MARCHF3: variants seen among roughly 807,000 people sequenced by gnomAD.
MARCHF3 encodes the protein membrane associated ring-CH-type finger 3.
A neutral mutation model predicts 24.2 loss-of-function variants in MARCHF3; 13 were observed. The ratio of observed to expected loss-of-function variants is 0.54; its 90% CI spans 0.35 to 0.85. MARCHF3 has a LOEUF of 0.85. Among genes scored for constraint, MARCHF3 ranks in the 40% least tolerant of loss-of-function variants. MARCHF3 has a pLI of 0.01. For synonymous variants in MARCHF3, 144 were observed against 137.3 expected (o/e 1.05, Z -0.34); for missense variants, 276 against 325.0 (o/e 0.85, Z 1.16).
In MARCHF3 at chr5:126,876,893, G is replaced by A. The variant is rs139213748; in HGVS notation, c.603+1292C>T. Among the ~76,000 whole-genome samples the A allele has an allele frequency of 5.6e-3, 852 of 152,130 alleles. 10 individuals carry two copies. Among genetic ancestry groups the A allele is most frequent in the African/African-American group, 0.02 (821 of 41,502 alleles). ...TCGAACTTCTGACCTCAAGTGATCC[G>A]CCCGCCTCAGCCTCCCAAAGTGCTG... On this transcript the variant is annotated intron_variant, in intron 4 of 4. Transcript: ENST00000308660.
intron 3 of MARCHF3, among the ~76,000 whole-genome samples, chr5:126,908,564 ATTCAT>A (rs1298449518): frequency 6.6e-6 from 1 of 151,748 alleles, no homozygotes; most frequent in Non-Finnish European, 1.5e-5. Context: ...GCTTCATTTC[ATTCAT>A]TTCATCTTCC....
chr5:127,003,633 C>T (rs1752211396), intron 1 of MARCHF3, among the ~76,000 whole-genome samples: 1 of 151,574 alleles, frequency 6.6e-6, no homozygotes, highest in Non-Finnish European at 1.5e-5. Context: ...GCCTGTAATC[C>T]CAGCTACTCG....
chr5:126,918,336 G>T, intron 1 of MARCHF3, 109 bp from the exon 2 acceptor site: 1 of 695,878 alleles, frequency 1.4e-6, no homozygotes, highest in Non-Finnish European at 2.3e-6. Flanking sequence ...AAATAACAGG[G>T]GTAGCCTAGA....
chr5:126,908,049 G>T (rs1003694100), intron 3 of MARCHF3, among the ~76,000 whole-genome samples: 3 of 152,096 alleles, frequency 2.0e-5, no homozygotes, highest in African/African-American at 7.2e-5. Context: ...TTGCTTGTCT[G>T]TAAAGTATTC....
Position 126,869,697 on chromosome 5 carries a change from T to A in MARCHF3, c.*936A>T, listed in dbSNP as rs1187409592. 4 of 149,572 alleles carry A rather than the reference T, an allele frequency of 2.7e-5. No homozygotes were observed. The highest frequency in any genetic ancestry group is 1.3e-4 in the Admixed American group (2 of 14,850). The allele number at this position is 149,572 out of a possible 1,614,324, so 9.3% of individuals were successfully genotyped here. A position where few individuals can be genotyped will look rare whatever the true frequency, so the allele number is the denominator to read the frequency against. On this transcript the variant is annotated 3_prime_UTR_variant, in exon 5 of 5. Coordinates refer to ENST00000308660, the MANE Select transcript of MARCHF3 (RefSeq NM_178450.5). ...GTCTAGGGTTCCTAGAAATGTCTAA[T>A]GATCCTCCAATTCATTACGAATCCC... is the stretch of plus-strand genomic sequence containing the variant.
At chr5:126,931,413 G>A (rs967335303) in intron 1 of MARCHF3, among the ~76,000 whole-genome samples, 1 of 152,030 alleles carries the variant, frequency 6.6e-6, no homozygotes, top group Non-Finnish European at 1.5e-5. Context: ...ATAAATAAAC[G>A]AATACAAGCA....
At position 126,918,141 on chromosome 5, in the gene MARCHF3, C is replaced by G; in HGVS notation, c.31G>C (p.Glu11Gln). ...GAGCTGGTGCAGTCTGGCAGGACTT[C>G]GGGCAGGTGACTGCAGCGGCTGGTT... MTTSRCSHLP[E>Q]VLPDCTSSAA... Residue 11 changes from glutamate to glutamine, a missense_variant, in exon 2 of 5, where the codon GAA (glutamate) becomes CAA (glutamine). Physicochemically the swap from Glu to Gln is conservative, Grantham distance 29 (BLOSUM62 2). Coordinates refer to ENST00000308660, the MANE Select transcript of MARCHF3 (RefSeq NM_178450.5). The G allele has an allele frequency of 1.9e-6, 3 of 1,613,848 alleles. No individual in the cohort carries two copies. Among genetic ancestry groups the G allele is most frequent in the Middle Eastern group, 1.7e-4 (1 of 5,952 alleles).
At chr5:126,999,215 T>A (rs1752044171) in intron 1 of MARCHF3, among the ~76,000 whole-genome samples, 1 of 152,272 alleles carries the variant, frequency 6.6e-6, no homozygotes, top group African/African-American at 2.4e-5. Flanking sequence ...AAGAAGTTTT[T>A]ATCTAATGTA....
intron 1 of MARCHF3, among the ~76,000 whole-genome samples, chr5:126,960,130 A>G (rs1320326419): frequency 1.3e-5 from 2 of 152,162 alleles, no homozygotes; most frequent in African/African-American, 2.4e-5. Flanking sequence ...TCTTGGAGTA[A>G]ATCCAGCAAG....
intron 1 of MARCHF3, among the ~76,000 whole-genome samples, chr5:126,956,458 T>C (rs902811396): frequency 1.3e-5 from 2 of 151,488 alleles, no homozygotes; most frequent in African/African-American, 4.9e-5. Flanking sequence ...GAAAATACAG[T>C]GAAACTCTGT....
At chr5:126,989,588 C>T (rs560734068) in intron 1 of MARCHF3, among the ~76,000 whole-genome samples, 64 of 152,220 alleles carry the variant, frequency 4.2e-4, no homozygotes, top group African/African-American at 1.5e-3. Flanking sequence ...GCTCCACAGG[C>T]AGGGGCACAG....
At chr5:126,902,551 C>T (rs1470746297) in intron 3 of MARCHF3, among the ~76,000 whole-genome samples, 2 of 152,056 alleles carry the variant, frequency 1.3e-5, no homozygotes, top group African/African-American at 4.8e-5. Flanking sequence ...GATTTTCCCT[C>T]CAAATTAATC....
intron 1 of MARCHF3, among the ~76,000 whole-genome samples, chr5:126,984,354 G>A (rs1188185601): frequency 6.6e-6 from 1 of 152,188 alleles, no homozygotes; most frequent in Non-Finnish European, 1.5e-5. Context: ...CAGCAGGACA[G>A]GGGGATGTGG....
intron 1 of MARCHF3, among the ~76,000 whole-genome samples, chr5:126,994,097 C>T (rs903691086): frequency 1.3e-5 from 2 of 152,052 alleles, no homozygotes; most frequent in African/African-American, 2.4e-5. Context: ...TTATAATGAC[C>T]AATATCTGGA....
chr5:126,966,661 T>C (rs1008696149), intron 1 of MARCHF3, among the ~76,000 whole-genome samples: 1 of 151,996 alleles, frequency 6.6e-6, no homozygotes, highest in African/African-American at 2.4e-5. Context: ...TCTTCTAAAA[T>C]AAATATTTAC....
chr5:126,945,241 C>A (rs758747897), intron 1 of MARCHF3, among the ~76,000 whole-genome samples: 1 of 152,184 alleles, frequency 6.6e-6, no homozygotes, highest in Non-Finnish European at 1.5e-5. Flanking sequence ...GTGGGATTGG[C>A]AAATGCTACA....
chr5:126,916,692 G>GACACACACACCACACACAC (rs1754747831), intron 2 of MARCHF3, among the ~76,000 whole-genome samples: 2 of 130,482 alleles, frequency 1.5e-5, no homozygotes, highest in Admixed American at 1.5e-4. Flanking sequence ...CAGACAGACA[G>GACACACACACCACACACAC]ACACACACAC....
At chr5:127,006,706 A>G (rs1363271352) in intron 1 of MARCHF3, among the ~76,000 whole-genome samples, 1 of 152,230 alleles carries the variant, frequency 6.6e-6, no homozygotes, top group Non-Finnish European at 1.5e-5. Context: ...AGTATTTTTC[A>G]ACAAGATACC....
At chr5:126,931,570 T>TAC (rs57567399) in intron 1 of MARCHF3, among the ~76,000 whole-genome samples, 12,504 of 142,808 alleles carry the variant, frequency 0.088, 542 homozygotes, top group Middle Eastern at 0.13. Flanking sequence ...CATACATGAA[T>TAC]ACACACACAC....
Sources: gnomAD v4.1 joint callset for allele counts (sites outside exome capture counted in the v4.1 genomes callset) on GRCh38, gnomAD v4.1.1 for gene constraint, MANE v1.5 for transcripts, NCBI Gene and HGNC (gene_info 2026-07-23, HGNC 2026-07-21) for gene names.